The following WWOX variants were observed in gnomAD, a reference collection of about 807,000 sequenced individuals.
WWOX encodes WW domain containing oxidoreductase.
A neutral mutation model predicts 46.2 loss-of-function variants in WWOX; 69 were observed. That is an observed-to-expected ratio of 1.49 (90% CI 1.23 to 1.82). The LOEUF is 1.82. WWOX is among the 40% of genes most tolerant of loss of function. The probability of loss-of-function intolerance (pLI) is 0.00; values close to 1 mark genes in which losing one functional copy is unlikely to be tolerated. For missense variants in WWOX, 919 were observed against 542.6 expected (o/e 1.69, Z -6.89); for synonymous variants, 359 against 202.6 (o/e 1.77, Z -6.56).
At chr16:78,239,479 C>A (rs1341916958) in intron 5 of WWOX, among the ~76,000 whole-genome samples, 1 of 152,168 alleles carries the variant, frequency 6.6e-6, no homozygotes, top group Non-Finnish European at 1.5e-5. Flanking sequence ...GGCCTTGCTT[C>A]CCAGGCCCCT....
At chr16:79,106,213 C>G (rs1329256605) in intron 8 of WWOX, among the ~76,000 whole-genome samples, 1 of 152,194 alleles carries the variant, frequency 6.6e-6, no homozygotes, top group African/African-American at 2.4e-5. Flanking sequence ...TCAGTGCCTG[C>G]TAAAGTTTGA....
intron 5 of WWOX, among the ~76,000 whole-genome samples, chr16:78,284,169 G>GCC (rs1471097149): frequency 6.6e-6 from 1 of 152,130 alleles, no homozygotes; most frequent in Non-Finnish European, 1.5e-5. Context: ...TGGTTTAAGG[G>GCC]GTTGGACAAC....
At position 79,020,712 on chromosome 16, in the gene WWOX, C is replaced by G. The variant is rs574895972; in HGVS notation, c.1057-190896C>G. 5.3e-4 allele frequency among the ~76,000 whole-genome samples: 80 copies of G among 152,248 alleles called. No individual in the cohort carries two copies. In the South Asian group the frequency reaches 8.7e-3, roughly 17 times the overall value. On this transcript the variant is annotated intron_variant, in intron 8 of 8. Transcript: ENST00000566780. ...AGAGTGTGGTGAGTAGGATAAAGCT[C>G]TGTACAGATGCAAGGGGAAGGGTGT...
At chr16:78,704,099 A>C (rs1357573364) in intron 8 of WWOX, among the ~76,000 whole-genome samples, 2 of 149,360 alleles carry the variant, frequency 1.3e-5, no homozygotes, top group African/African-American at 4.9e-5. Context: ...ATGTTGTTCC[A>C]CCCAGCACGT....
At chr16:79,031,481 A>G (rs1381809878) in intron 8 of WWOX, among the ~76,000 whole-genome samples, 2 of 152,054 alleles carry the variant, frequency 1.3e-5, no homozygotes, top group East Asian at 3.9e-4. Context: ...TGTTAATGTA[A>G]TTCTTATGAA....
At chr16:78,768,591 A>G (rs1346813751) in intron 8 of WWOX, among the ~76,000 whole-genome samples, 1 of 140,846 alleles carries the variant, frequency 7.1e-6, no homozygotes, top group East Asian at 2.1e-4. Context: ...CTTCATCTCG[A>G]GGAAAAAAAA....
chr16:79,147,876 C>T (rs1381809386), intron 8 of WWOX, among the ~76,000 whole-genome samples: 1 of 152,126 alleles, frequency 6.6e-6, no homozygotes, highest in Non-Finnish European at 1.5e-5. Context: ...TATATATCCT[C>T]TTCGGTGAAA....
chr16:78,276,097 G>A (rs896532423), intron 5 of WWOX, among the ~76,000 whole-genome samples: 1 of 152,192 alleles, frequency 6.6e-6, no homozygotes, highest in African/African-American at 2.4e-5. Flanking sequence ...TTTCATGATG[G>A]CAAGAAGGAG....
chr16:78,453,981 C>A lies in WWOX; in HGVS notation c.1056+21229C>A, dbSNP rs189193893. ...TGGGCAGATCTGGATTTCACCACACCTGGTTTTTGTTGTCATTGAGTTTTT... is the reference window on the plus strand; with the variant it reads ...TGGGCAGATCTGGATTTCACCACACATGGTTTTTGTTGTCATTGAGTTTTT... On this transcript the variant is annotated intron_variant, in intron 8 of 8. Transcript: ENST00000566780. Among the ~76,000 whole-genome samples the A allele has an allele frequency of 3.3e-5, 5 of 152,208 alleles. No homozygotes were observed. In the East Asian group the frequency reaches 9.7e-4, roughly 29 times the overall value.
chr16:78,763,823 T>C (rs1025139560), intron 8 of WWOX, among the ~76,000 whole-genome samples: 9 of 152,244 alleles, frequency 5.9e-5, no homozygotes, highest in Non-Finnish European at 1.2e-4. Context: ...ATTGTCAGCA[T>C]AGTAGAGCTG....
intron 8 of WWOX, among the ~76,000 whole-genome samples, chr16:79,090,252 G>T (rs1393970283): frequency 6.6e-6 from 1 of 151,312 alleles, no homozygotes; most frequent in Non-Finnish European, 1.5e-5. Context: ...GCCTCGTGGG[G>T]TGCCATCCTG....
chr16:78,156,966 C>G (rs919300170), intron 4 of WWOX, among the ~76,000 whole-genome samples: 8 of 152,150 alleles, frequency 5.3e-5, no homozygotes, highest in African/African-American at 1.9e-4. Flanking sequence ...AGTTCTGGAA[C>G]CTGCCTGGCC....
At chr16:78,470,264 C>A (rs2084189284) in intron 8 of WWOX, among the ~76,000 whole-genome samples, 1 of 152,168 alleles carries the variant, frequency 6.6e-6, no homozygotes, top group African/African-American at 2.4e-5. Context: ...TGGCACAAAT[C>A]TTTGAACTCC....
chr16:78,864,516 G>C (rs185246519), intron 8 of WWOX, among the ~76,000 whole-genome samples: 2 of 152,222 alleles, frequency 1.3e-5, no homozygotes, highest in East Asian at 1.9e-4. Context: ...AGATCCGCCT[G>C]CCTTGGCCTC....
At chr16:79,182,623 A>T (rs2050934805) in intron 8 of WWOX, among the ~76,000 whole-genome samples, 1 of 152,174 alleles carries the variant, frequency 6.6e-6, no homozygotes, top group African/African-American at 2.4e-5. Context: ...TTCTGGAGTC[A>T]GAAGGCCTGG....
chr16:78,647,799 A>G (rs567437170), intron 8 of WWOX, among the ~76,000 whole-genome samples: 19 of 152,330 alleles, frequency 1.2e-4, no homozygotes, highest in East Asian at 1.9e-4. Context: ...AGAAGCCACA[A>G]ACGTGTTAGC....
At chr16:78,439,178 A>AG (rs2083394764) in intron 8 of WWOX, among the ~76,000 whole-genome samples, 1 of 152,166 alleles carries the variant, frequency 6.6e-6, no homozygotes, top group African/African-American at 2.4e-5. Context: ...TTCTGTTGCG[A>AG]GGGGGAAATA....
intron 5 of WWOX, among the ~76,000 whole-genome samples, chr16:78,366,148 T>C (rs182622273): frequency 7.2e-5 from 11 of 152,334 alleles, no homozygotes; most frequent in African/African-American, 2.6e-4. Context: ...TTACTGACCA[T>C]TTTTGGTAAA....
chr16:78,597,308 A>G (rs1178553261), intron 8 of WWOX, among the ~76,000 whole-genome samples: 1 of 152,056 alleles, frequency 6.6e-6, no homozygotes, highest in Non-Finnish European at 1.5e-5. Flanking sequence ...TACTATTAGC[A>G]CCTACTGTGT....
Sources: gnomAD v4.1 joint callset for allele counts (sites outside exome capture counted in the v4.1 genomes callset) on GRCh38, gnomAD v4.1.1 for gene constraint, MANE v1.5 for transcripts, NCBI Gene and HGNC (gene_info 2026-07-23, HGNC 2026-07-21) for gene names.